Variants in TBC1D5 observed in about 807,000 individuals in gnomAD.
TBC1D5 encodes the protein TBC1 domain family, member 5.
TBC1D5 carries 75 observed loss-of-function variants against 100.3 expected under a neutral mutation model. The ratio of observed to expected loss-of-function variants is 0.75; its 90% CI spans 0.62 to 0.91. The LOEUF is 0.91. Ranked by LOEUF, TBC1D5 falls within the 40% of genes least tolerant of loss-of-function variation. The pLI is 0.00. For synonymous variants in TBC1D5, 323 were observed against 325.6 expected (o/e 0.99, Z 0.09); for missense variants, 910 against 942.4 (o/e 0.97, Z 0.45).
At chr3:17,488,907 T>C (rs1205024941) in intron 3 of TBC1D5, among the ~76,000 whole-genome samples, 6 of 149,834 alleles carry the variant, frequency 4.0e-5, no homozygotes, top group Non-Finnish European at 3.0e-5. Context: ...ACAAACTCTA[T>C]CGTGAACTGC....
intron 8 of TBC1D5, among the ~76,000 whole-genome samples, chr3:17,398,380 C>T (rs565171958): frequency 3.0e-4 from 46 of 152,118 alleles, no homozygotes; most frequent in Admixed American, 2.2e-3. Flanking sequence ...AATACAGTGA[C>T]GTATCCAGAT....
At chr3:17,685,910 A>G (rs1441212621) in intron 1 of TBC1D5, among the ~76,000 whole-genome samples, 1 of 152,190 alleles carries the variant, frequency 6.6e-6, no homozygotes, top group Non-Finnish European at 1.5e-5. Context: ...ATTATTACAG[A>G]TGGCATTTCA....
chr3:17,287,209 T>C (rs746479138), intron 15 of TBC1D5, among the ~76,000 whole-genome samples: 4 of 152,166 alleles, frequency 2.6e-5, no homozygotes, highest in Non-Finnish European at 5.9e-5. Context: ...TTCAACTAGA[T>C]TAGAGTCAGT....
intron 9 of TBC1D5, among the ~76,000 whole-genome samples, chr3:17,380,266 G>C (rs1227740465): frequency 2.0e-5 from 3 of 151,894 alleles, no homozygotes; most frequent in African/African-American, 7.3e-5. Flanking sequence ...AGGTGTTCTT[G>C]GCAGAATGGA....
intron 3 of TBC1D5, among the ~76,000 whole-genome samples, chr3:17,482,682 G>T (rs2095514801): frequency 6.6e-6 from 1 of 152,182 alleles, no homozygotes; most frequent in Non-Finnish European, 1.5e-5. Flanking sequence ...TTACCAGTGT[G>T]TATTTATTTT....
At chr3:17,347,667 T>C (rs75140554) in intron 13 of TBC1D5, among the ~76,000 whole-genome samples, 1 of 151,338 alleles carries the variant, frequency 6.6e-6, no homozygotes. Context: ...AAAAAAAAAA[T>C]CAAAGAAAGT....
chr3:17,585,405 A>G (rs1423981429), intron 2 of TBC1D5, among the ~76,000 whole-genome samples: 2 of 152,160 alleles, frequency 1.3e-5, no homozygotes, highest in Non-Finnish European at 2.9e-5. Context: ...CCTTACTAAA[A>G]AGACATGATT....
chr3:17,207,146 C>A (rs563425043), intron 18 of TBC1D5, among the ~76,000 whole-genome samples: 1 of 152,126 alleles, frequency 6.6e-6, no homozygotes, highest in East Asian at 1.9e-4. Flanking sequence ...CACTATGTTG[C>A]CTAGGCTGAG....
At chr3:17,618,984 C>T (rs1012119617) in intron 2 of TBC1D5, among the ~76,000 whole-genome samples, 5 of 152,356 alleles carry the variant, frequency 3.3e-5, no homozygotes, top group Admixed American at 2.6e-4. Flanking sequence ...CTTCTGCATT[C>T]ATCACACTTG....
At chr3:17,353,699 G>A (rs1048263124) in intron 13 of TBC1D5, among the ~76,000 whole-genome samples, 2 of 151,864 alleles carry the variant, frequency 1.3e-5, no homozygotes, top group African/African-American at 4.8e-5. Flanking sequence ...AAATCAGAAA[G>A]TCAGCTCTGC....
At chr3:17,562,453 T>C (rs944536082) in intron 2 of TBC1D5, among the ~76,000 whole-genome samples, 2 of 151,746 alleles carry the variant, frequency 1.3e-5, no homozygotes, top group Non-Finnish European at 2.9e-5. Context: ...TCTATAACTA[T>C]TCAAGATAAT....
rs115799075 is a variant in TBC1D5 at position 17,718,040 on chromosome 3, A to G, written c.-101+21303T>C. Among the ~76,000 whole-genome samples, 555 of 152,290 alleles carry G rather than the reference A, an allele frequency of 3.6e-3. 3 individuals are homozygous for G. Among genetic ancestry groups the G allele is most frequent in the Non-Finnish European group, 5.4e-3 (370 of 68,028 alleles). On this transcript the variant is annotated intron_variant, in intron 1 of 21. Transcript: ENST00000253692. ...TTCTCCGTACTGAAGTACGAAGTCA[A>G]TAAGACAAGATAGGAAGGGGAAAAG...
chr3:17,313,860 T>C (rs2084341981), intron 13 of TBC1D5, among the ~76,000 whole-genome samples: 1 of 152,164 alleles, frequency 6.6e-6, no homozygotes, highest in African/African-American at 2.4e-5. Flanking sequence ...CACAGATGGG[T>C]ACCTATTAAG....
intron 3 of TBC1D5, among the ~76,000 whole-genome samples, chr3:17,438,122 C>T (rs2094570123): frequency 6.6e-6 from 1 of 152,148 alleles, no homozygotes; most frequent in Non-Finnish European, 1.5e-5. Context: ...CCACAGACCA[C>T]CTGGATCTCA....
chr3:17,163,265 CT>C (rs371193338), intron 21 of TBC1D5, among the ~76,000 whole-genome samples: 870 of 20,554 alleles, frequency 0.042, 1 homozygote, highest in East Asian at 0.14. Context: ...ACCCCCCCCC[CT>C]TCCTTGCCCC....
intron 8 of TBC1D5, among the ~76,000 whole-genome samples, chr3:17,388,621 G>A (rs1468838410): frequency 6.6e-6 from 1 of 151,434 alleles, no homozygotes; most frequent in African/African-American, 2.4e-5. Flanking sequence ...GGTCAAGGCA[G>A]GAGGATCCCT....
chr3:17,392,270 T>C (rs2093372379), intron 8 of TBC1D5, among the ~76,000 whole-genome samples: 2 of 152,092 alleles, frequency 1.3e-5, no homozygotes. Flanking sequence ...TAATCAATGA[T>C]AGTTACTGGT....
intron 3 of TBC1D5, among the ~76,000 whole-genome samples, chr3:17,485,302 T>C (rs896287961): frequency 8.7e-5 from 13 of 149,812 alleles, no homozygotes; most frequent in South Asian, 2.1e-4. Context: ...TATTTTATTT[T>C]ATTTTTTTTA....
chr3:17,458,061 AG>A (rs1422916946), intron 3 of TBC1D5, among the ~76,000 whole-genome samples: 1 of 152,206 alleles, frequency 6.6e-6, no homozygotes, highest in African/African-American at 2.4e-5. Flanking sequence ...TTATTTACCA[AG>A]GTACTTATGA....
Sources: gnomAD v4.1 joint callset for allele counts (sites outside exome capture counted in the v4.1 genomes callset) on GRCh38, gnomAD v4.1.1 for gene constraint, MANE v1.5 for transcripts, NCBI Gene and HGNC (gene_info 2026-07-23, HGNC 2026-07-21) for gene names.